Variants in NTN5 observed in about 807,000 individuals in gnomAD.
NTN5 encodes the protein netrin-5.
NTN5 carries 42 observed loss-of-function variants against 38.7 expected under a neutral mutation model. The ratio of observed to expected loss-of-function variants is 1.08; its 90% confidence interval spans 0.85 to 1.40. The LOEUF is 1.40. Ranked by LOEUF, NTN5 falls within the 40% of genes most tolerant of loss-of-function variation. The pLI is 0.00. For missense variants in NTN5, 658 were observed against 716.5 expected, an observed-to-expected ratio of 0.92 and a Z score of 0.93; for synonymous variants, 329 against 303.9, an observed-to-expected ratio of 1.08 and a Z score of -0.86.
intron 2 of NTN5, among the ~76,000 whole-genome samples, chr19:48,669,543 C>CACCAT (rs2031842952): frequency 2.5e-5 from 1 of 39,960 alleles, no homozygotes; most frequent in Admixed American, 2.2e-4. Context: ...ACCACCATCA[C>CACCAT]CACCACCACC....
chr19:48,668,512 A>G (rs767148371), intron 2 of NTN5, among the ~76,000 whole-genome samples: 11 of 152,168 alleles, frequency 7.2e-5, no homozygotes, highest in East Asian at 1.9e-4. Flanking sequence ...TTCAAGCCCA[A>G]ATAGTCTGGC....
Position 48,670,369 on chromosome 19 carries a change from G to A in NTN5, c.618C>T (p.Pro206=), listed in dbSNP as rs531100418. ...CGCAGGACTCACGTAGGCAAGGGTG[G>A]GGGTGCCGGGGCGTGGCAGGCCGCC... The part of the protein sequence containing the change: ...WPWRPATPRH[P]HPCLPCSCNQ... The change falls in exon 2 of 7, where the codon CCC becomes CCT. Residue 206 remains proline, a synonymous_variant. Coordinates refer to ENST00000270235, the MANE Select transcript of NTN5 (RefSeq NM_145807.4). 1.1e-5 allele frequency: 16 copies of A among 1,413,820 alleles called. No individual in the cohort carries two copies. The South Asian group carries it at 2.5e-4, about 22-fold the overall frequency. The allele number at this position is 1,413,820 out of a possible 1,614,324, so 87.6% of individuals were successfully genotyped here.
intron 6 of NTN5, chr19:48,663,089 TC>T (rs1463596927): frequency 2.5e-6 from 1 of 404,524 alleles, no homozygotes; most frequent in East Asian, 6.9e-5. Context: ...GGGCTAAGGC[TC>T]AAATATCTGG....
At chr19:48,668,757 C>T (rs2031769768) in intron 2 of NTN5, among the ~76,000 whole-genome samples, 1 of 152,160 alleles carries the variant, frequency 6.6e-6, no homozygotes, top group Admixed American at 6.5e-5. Flanking sequence ...CTGCCTGGCA[C>T]ACGTAGGTGA....
chr19:48,672,874 C>T (rs932022438), intron 1 of NTN5, 58 bp downstream of exon 1: 14 of 191,930 alleles, frequency 7.3e-5, no homozygotes, highest in African/African-American at 2.8e-4. Flanking sequence ...GCTTCCTTTC[C>T]CTGGCTCTTG....
intron 2 of NTN5, among the ~76,000 whole-genome samples, chr19:48,666,242 A>G (rs1376631235): frequency 6.6e-6 from 1 of 152,228 alleles, no homozygotes; most frequent in African/African-American, 2.4e-5. Context: ...AGCTCACTCC[A>G]GTAATACACA....
chr19:48,662,072 G>A (rs1191340795), intron 6 of NTN5, 31 bp from the exon 7 acceptor site: 7 of 1,420,880 alleles, frequency 4.9e-6, no homozygotes, highest in Non-Finnish European at 5.5e-6. Flanking sequence ...AGCCCAGGTC[G>A]TGGGGAGCTT....
chr19:48,664,726 A>G lies in NTN5; in HGVS notation c.673T>C (p.Ser225Pro), dbSNP rs777128239. ...CCGCCCGACAGTCTGAACAGCTCAG[A>G]GTTGAACCGGCAGCGTCGGGCGTGC... ...NQHARRCRFNSELFRLSGGRS... is the reference protein window; with the variant it reads ...NQHARRCRFNPELFRLSGGRS... The change falls in exon 3 of 7, where the codon TCT becomes CCT. Residue 225 changes from serine (S) to proline (P), a missense_variant. Coordinates refer to ENST00000270235, the MANE Select transcript of NTN5 (RefSeq NM_145807.4). The G allele has an allele frequency of 8.8e-5, 141 of 1,595,942 alleles. No homozygotes were observed. The highest frequency in any genetic ancestry group is 2.6e-4 in the Admixed American group (15 of 57,386).
intron 3 of NTN5, 118 bp from the exon 4 acceptor site, chr19:48,664,410 G>A: frequency 7.2e-7 from 1 of 1,393,060 alleles, no homozygotes; most frequent in Non-Finnish European, 9.7e-7. Flanking sequence ...TCTTCCCTCA[G>A]ACCCAGGAGT....
chr19:48,672,224 C>T (rs1758980026), intron 1 of NTN5, among the ~76,000 whole-genome samples: 1 of 152,152 alleles, frequency 6.6e-6, no homozygotes, highest in South Asian at 2.1e-4. Flanking sequence ...GCCAGGGCGC[C>T]CGTGGGGGCA....
chr19:48,671,110 G>T (rs1208769976), intron 1 of NTN5, 104 bp from the exon 2 acceptor site: 1 of 774,030 alleles, frequency 1.3e-6, no homozygotes, highest in Non-Finnish European at 2.0e-6. Flanking sequence ...ACCCGTCCAG[G>T]CCCCCTCCCC....
intron 5 of NTN5, 30 bp downstream of exon 5, chr19:48,663,731 C>G: frequency 6.2e-7 from 1 of 1,610,922 alleles, no homozygotes; most frequent in African/African-American, 1.3e-5. Context: ...CCACTTGCCA[C>G]TCAGGGACCT....
intron 2 of NTN5, among the ~76,000 whole-genome samples, chr19:48,665,851 G>A (rs1230957196): frequency 2.6e-5 from 4 of 152,078 alleles, no homozygotes; most frequent in Non-Finnish European, 1.5e-5. Flanking sequence ...GTGGGCTATG[G>A]CCTGTGGAAT....
In NTN5 at chr19:48,672,909, T is replaced by C. The variant is rs146421045; in HGVS notation, c.-21+23A>G. ...GGCATGCACCCCCCAACCCGAGCCCTGAGGCCCCGACATTGGCCAAACCTG... is the reference window on the plus strand; with the variant it reads ...GGCATGCACCCCCCAACCCGAGCCCCGAGGCCCCGACATTGGCCAAACCTG... On this transcript the variant is annotated intron_variant, in intron 1 of 6. Coordinates refer to ENST00000270235, the MANE Select transcript of NTN5 (RefSeq NM_145807.4). 6.4e-3 allele frequency: 1,407 copies of C among 220,476 alleles called. 27 individuals are homozygous for C. Among genetic ancestry groups the C allele is most frequent in the African/African-American group, 0.031 (1,310 of 42,812 alleles). 13.7% of individuals were successfully genotyped at this position (220,476 alleles called of 1,614,324 possible). A position where few individuals can be genotyped will look rare whatever the true frequency, so the allele number is the denominator to read the frequency against.
At position 48,664,654 on chromosome 19, in the gene NTN5, G is replaced by T. The variant is rs775806148; in HGVS notation, c.745C>A (p.Arg249=). Residue 249 remains arginine, a synonymous_variant, in exon 3 of 7, where the codon CGG becomes AGG. Coordinates refer to ENST00000270235, the MANE Select transcript of NTN5 (RefSeq NM_145807.4). ...CCAGGTTGGCAGTAGTGGCAGTGCC[G>T]CCCAGCTGTGTGGTGGCGGCACCGC... ...CERCRHHTAG[R]HCHYCQPGFW... 2.3e-5 allele frequency: 37 copies of T among 1,612,758 alleles called. No homozygotes were observed. The highest frequency in any genetic ancestry group is 3.1e-5 in the Non-Finnish European group (37 of 1,179,754).
chr19:48,669,150 C>A (rs1371740112), intron 2 of NTN5, among the ~76,000 whole-genome samples: 8 of 102,298 alleles, frequency 7.8e-5, no homozygotes, highest in Admixed American at 6.7e-4. Flanking sequence ...ACCATCATCA[C>A]CACCATCACC....
intron 6 of NTN5, 125 bp from the exon 7 acceptor site, chr19:48,662,166 G>T: frequency 9.6e-7 from 1 of 1,045,880 alleles, no homozygotes; most frequent in Non-Finnish European, 1.3e-6. Flanking sequence ...ATCGCAGTGG[G>T]GAGAGAAACC....
intron 4 of NTN5, 96 bp downstream of exon 4, chr19:48,664,047 C>T: frequency 7.0e-7 from 1 of 1,437,110 alleles, no homozygotes; most frequent in Non-Finnish European, 9.3e-7. Flanking sequence ...CTCCCAATTC[C>T]CAAGGCCCCA....
At chr19:48,664,848 C>G (rs2031656669) in intron 2 of NTN5, 81 bp from the exon 3 acceptor site, 2 of 1,274,208 alleles carry the variant, frequency 1.6e-6, no homozygotes. Context: ...ATGGCCCTGC[C>G]CTCATGAAAG....
Sources: allele counts gnomAD v4.1 joint callset (sites outside exome capture counted in the v4.1 genomes callset), GRCh38; gene constraint gnomAD v4.1.1; transcripts MANE v1.5; gene names NCBI Gene and HGNC (gene_info 2026-07-23, HGNC 2026-07-21).